GPCPD1: variants seen among roughly 807,000 people sequenced by gnomAD.
GPCPD1 encodes glycerophosphocholine phosphodiesterase GPCPD1.
Under a neutral mutation model 89.2 loss-of-function variants are expected in GPCPD1, and 29 were observed. The ratio of observed to expected loss-of-function variants is 0.33; its 90% CI spans 0.24 to 0.44. The LOEUF (loss-of-function observed/expected upper bound fraction) is 0.44, where lower values mean the gene tolerates loss of function less well. Ranked by LOEUF, GPCPD1 falls within the 20% of genes least tolerant of loss-of-function variation. The pLI is 1.00. For synonymous variants in GPCPD1, 258 were observed against 266.3 expected (o/e 0.97, Z 0.30); for missense variants, 594 against 808.9 (o/e 0.73, Z 3.22).
intron 19 of GPCPD1, among the ~76,000 whole-genome samples, chr20:5,550,963 A>G (rs1985372980): frequency 6.6e-6 from 1 of 152,198 alleles, no homozygotes; most frequent in African/African-American, 2.4e-5. Flanking sequence ...TTACTCCGAG[A>G]GAGACACTGT....
intron 12 of GPCPD1, among the ~76,000 whole-genome samples, chr20:5,568,670 T>A (rs1986537947): frequency 6.6e-6 from 1 of 152,202 alleles, no homozygotes; most frequent in East Asian, 1.9e-4. Flanking sequence ...TTTGGGAGGC[T>A]GAGATGGGCG....
At chr20:5,597,242 T>C (rs1198767840) in intron 3 of GPCPD1, among the ~76,000 whole-genome samples, 4 of 152,234 alleles carry the variant, frequency 2.6e-5, no homozygotes, top group African/African-American at 9.6e-5. Flanking sequence ...TTCTGTGTTT[T>C]TTAATTTTCT....
chr20:5,603,852 T>G (rs1207899031), intron 2 of GPCPD1, among the ~76,000 whole-genome samples: 2 of 151,398 alleles, frequency 1.3e-5, no homozygotes, highest in Non-Finnish European at 2.9e-5. Context: ...GTTCAAGCAA[T>G]TCTCCTGCCT....
At chr20:5,563,744 A>T in intron 15 of GPCPD1, among the ~76,000 whole-genome samples, 1 of 152,172 alleles carries the variant, frequency 6.6e-6, no homozygotes. Flanking sequence ...CTTTTTGCAG[A>T]ATGAATAATC....
chr20:5,600,688 T>C (rs921193163), intron 2 of GPCPD1, among the ~76,000 whole-genome samples: 1 of 152,120 alleles, frequency 6.6e-6, no homozygotes, highest in African/African-American at 2.4e-5. Flanking sequence ...AAAAATTAGC[T>C]GGGTGTGGTA....
At chr20:5,554,632 T>C (rs1217030654) in intron 19 of GPCPD1, among the ~76,000 whole-genome samples, 1 of 152,224 alleles carries the variant, frequency 6.6e-6, no homozygotes, top group Non-Finnish European at 1.5e-5. Flanking sequence ...TTACTGATCA[T>C]TGACAATGCA....
chr20:5,547,511 G>T lies in GPCPD1; in HGVS notation c.*150C>A. 1 of 440,882 alleles carries T rather than the reference G, an allele frequency of 2.3e-6. No homozygotes were observed. Among genetic ancestry groups the T allele is most frequent in the Admixed American group, 3.9e-5 (1 of 25,510 alleles). The allele number at this position is 440,882 out of a possible 1,614,324, so 27.3% of individuals were successfully genotyped here. ...GCCAAGTAATTTAAATAGCATACTT[G>T]CAAGAACTGTAGTGAAAGAGTTAAA... On this transcript the variant is annotated 3_prime_UTR_variant, in exon 20 of 20. Transcript: ENST00000379019.
chr20:5,574,907 A>G (rs1300150387), intron 10 of GPCPD1, among the ~76,000 whole-genome samples: 4 of 152,214 alleles, frequency 2.6e-5, no homozygotes, highest in Non-Finnish European at 5.9e-5. Context: ...GAGCTATCGC[A>G]CTGGTAATTA....
At position 5,564,147 on chromosome 20, in the gene GPCPD1, T is replaced by A. The variant is rs117001214; in HGVS notation, c.1329+870A>T. Among the ~76,000 whole-genome samples the A allele has an allele frequency of 4.3e-4, 66 of 152,130 alleles. No individual in the cohort carries two copies. The East Asian group carries it at 0.011, about 25-fold the overall frequency. On this transcript the variant is annotated intron_variant, in intron 15 of 19. Transcript: ENST00000379019. ...TGGGCTTTCCTGATGCTGTCAAGGG[T>A]GTTCCCGTATTAAATTGTATCTAGT... is the stretch of plus-strand genomic sequence containing the variant.
At chr20:5,548,995 T>C (rs1600704754) in intron 19 of GPCPD1, 1 of 817,358 alleles carries the variant, frequency 1.2e-6, no homozygotes, top group East Asian at 3.7e-5. Flanking sequence ...AAAGCAAAAC[T>C]TGACAAGCAA....
chr20:5,574,999 G>A (rs753733966), intron 10 of GPCPD1, among the ~76,000 whole-genome samples: 8 of 152,194 alleles, frequency 5.3e-5, no homozygotes, highest in Non-Finnish European at 7.3e-5. Flanking sequence ...AGCATCTTTC[G>A]TTGAGGTCCA....
chr20:5,577,296 C>CAA (rs1978294106), intron 8 of GPCPD1, among the ~76,000 whole-genome samples: 1 of 151,714 alleles, frequency 6.6e-6, no homozygotes, highest in African/African-American at 2.4e-5. Flanking sequence ...GCTGGGATTA[C>CAA]AAGCATGAGC....
At chr20:5,579,572 T>G (rs1978326190) in intron 7 of GPCPD1, among the ~76,000 whole-genome samples, 1 of 152,150 alleles carries the variant, frequency 6.6e-6, no homozygotes, top group Non-Finnish European at 1.5e-5. Context: ...GGTCTTGAAC[T>G]CCCGACCTCA....
intron 1 of GPCPD1, among the ~76,000 whole-genome samples, chr20:5,607,315 G>A (rs531311113): frequency 9.4e-5 from 14 of 148,668 alleles, no homozygotes; most frequent in East Asian, 4.0e-4. Context: ...AAAAAAGGCC[G>A]GGCATGGTGG....
At chr20:5,593,990 C>G (rs1316360325) in intron 3 of GPCPD1, among the ~76,000 whole-genome samples, 1 of 152,248 alleles carries the variant, frequency 6.6e-6, no homozygotes, top group African/African-American at 2.4e-5. Context: ...ATTCCTCAGA[C>G]AAGCAGTCAG....
intron 4 of GPCPD1, among the ~76,000 whole-genome samples, chr20:5,588,434 G>A (rs1273857095): frequency 6.6e-6 from 1 of 152,104 alleles, no homozygotes; most frequent in East Asian, 1.9e-4. Flanking sequence ...GACCGTGGGA[G>A]GCAGAGGTTG....
chr20:5,600,792 A>G (rs1007559864), intron 2 of GPCPD1, among the ~76,000 whole-genome samples: 5 of 152,086 alleles, frequency 3.3e-5, no homozygotes, highest in African/African-American at 9.7e-5. Context: ...AGATCACACC[A>G]GTGCACTCCA....
chr20:5,597,882 A>C (rs1432696773), intron 3 of GPCPD1, among the ~76,000 whole-genome samples: 1 of 152,186 alleles, frequency 6.6e-6, no homozygotes, highest in Non-Finnish European at 1.5e-5. Context: ...ACATTTCTTC[A>C]TATTAGCTAA....
At chr20:5,595,778 C>T (rs113757063) in intron 3 of GPCPD1, among the ~76,000 whole-genome samples, 7 of 150,944 alleles carry the variant, frequency 4.6e-5, no homozygotes, top group African/African-American at 1.7e-4. Context: ...TAGAAAGTTG[C>T]CATTTCTGCT....
Sources: allele counts gnomAD v4.1 joint callset (sites outside exome capture counted in the v4.1 genomes callset), GRCh38; gene constraint gnomAD v4.1.1; transcripts MANE v1.5; gene names NCBI Gene and HGNC (gene_info 2026-07-23, HGNC 2026-07-21).